LUZP2: variants seen among roughly 807,000 people sequenced by gnomAD.
LUZP2 encodes leucine zipper protein 2.
LUZP2 carries 52 observed loss-of-function variants against 51.6 expected under a neutral mutation model. The ratio of observed to expected loss-of-function variants is 1.01; its 90% confidence interval spans 0.81 to 1.27. LUZP2 has a LOEUF of 1.27. LUZP2 is among the 50% of genes most tolerant of loss of function. The pLI is 0.00. For missense variants in LUZP2, 436 were observed against 395.4 expected, an observed-to-expected ratio of 1.10 and a Z score of -0.87; for synonymous variants, 154 against 137.3, an observed-to-expected ratio of 1.12 and a Z score of -0.85.
chr11:24,578,276 C>T (rs1182648193), intron 1 of LUZP2, among the ~76,000 whole-genome samples: 1 of 151,972 alleles, frequency 6.6e-6, no homozygotes, highest in Non-Finnish European at 1.5e-5. Flanking sequence ...GCAATAACTT[C>T]CTTTTACATC....
At chr11:24,596,247 T>G (rs1853441461) in intron 1 of LUZP2, among the ~76,000 whole-genome samples, 1 of 152,168 alleles carries the variant, frequency 6.6e-6, no homozygotes, top group Non-Finnish European at 1.5e-5. Context: ...TATCAAACAA[T>G]ACAGTACTTT....
chr11:24,943,519 G>T (rs2133852340), intron 7 of LUZP2, among the ~76,000 whole-genome samples: 1 of 152,146 alleles, frequency 6.6e-6, no homozygotes, highest in Middle Eastern at 3.4e-3. Context: ...TTTCCTGTAG[G>T]ACTATAAGCT....
At chr11:24,784,862 A>G (rs988243818) in intron 5 of LUZP2, among the ~76,000 whole-genome samples, 2 of 152,120 alleles carry the variant, frequency 1.3e-5, no homozygotes, top group African/African-American at 2.4e-5. Flanking sequence ...TGTATGATAT[A>G]CATTTATGCA....
chr11:24,693,311 A>G (rs552380203), intron 1 of LUZP2, among the ~76,000 whole-genome samples: 1 of 151,558 alleles, frequency 6.6e-6, no homozygotes, highest in African/African-American at 2.4e-5. Context: ...ATTTAACATA[A>G]TACATCACAG....
At chr11:24,910,973 C>T (rs555301042) in intron 6 of LUZP2, among the ~76,000 whole-genome samples, 8 of 152,260 alleles carry the variant, frequency 5.3e-5, no homozygotes, top group East Asian at 1.9e-4. Flanking sequence ...CAAGGCTATG[C>T]GAGTCCACCT....
At chr11:25,072,780 C>A (rs965440550) in intron 10 of LUZP2, among the ~76,000 whole-genome samples, 1 of 150,006 alleles carries the variant, frequency 6.7e-6, no homozygotes, top group Non-Finnish European at 1.5e-5. Context: ...CAGTGATTAC[C>A]ATTATAACCC....
At chr11:24,800,001 G>A (rs778949588) in intron 5 of LUZP2, among the ~76,000 whole-genome samples, 10 of 152,066 alleles carry the variant, frequency 6.6e-5, no homozygotes, top group Non-Finnish European at 1.5e-5. Context: ...CCTAAACATC[G>A]TTGGAAGTAA....
In LUZP2 at chr11:24,497,411, C is replaced by T; in HGVS notation, c.62+106C>T. 4.2e-6 allele frequency: 3 copies of T among 722,084 alleles called. No homozygotes were observed. In the South Asian group the frequency reaches 1.0e-4, roughly 24 times the overall value. The allele number at this position is 722,084 out of a possible 1,614,324, so 44.7% of individuals were successfully genotyped here. A position where few individuals can be genotyped will look rare whatever the true frequency, so the allele number is the denominator to read the frequency against. ...GCCAAGGCACTTCAGCTGTTTGCATCTCCCGCCTAAGCAAGAGGGACGCTG... is the reference window on the plus strand; with the variant it reads ...GCCAAGGCACTTCAGCTGTTTGCATTTCCCGCCTAAGCAAGAGGGACGCTG... On this transcript the variant is annotated intron_variant, in intron 1 of 11. Transcript: ENST00000336930.
At chr11:24,819,209 A>G (rs1850284101) in intron 5 of LUZP2, among the ~76,000 whole-genome samples, 2 of 152,066 alleles carry the variant, frequency 1.3e-5, no homozygotes, top group African/African-American at 4.8e-5. Flanking sequence ...GAAAATTGCA[A>G]GCTGTGGAGA....
intron 1 of LUZP2, among the ~76,000 whole-genome samples, chr11:24,563,331 A>G (rs921888897): frequency 6.6e-6 from 1 of 152,186 alleles, no homozygotes; most frequent in Non-Finnish European, 1.5e-5. Context: ...CTTATGTTTT[A>G]TGACATTGAG....
intron 9 of LUZP2, among the ~76,000 whole-genome samples, chr11:25,004,824 C>A (rs1856789848): frequency 6.6e-6 from 1 of 152,162 alleles, no homozygotes. Context: ...GGTATGCTAA[C>A]CAGTAGGGAC....
chr11:24,502,238 G>T (rs767603172), intron 1 of LUZP2, among the ~76,000 whole-genome samples: 4 of 140,434 alleles, frequency 2.8e-5, no homozygotes, highest in Admixed American at 6.9e-5. Context: ...AAAAAATATA[G>T]ATACAAATCA....
At chr11:24,525,189 C>G (rs2896704) in intron 1 of LUZP2, among the ~76,000 whole-genome samples, 6,718 of 151,618 alleles carry the variant, frequency 0.044, 176 homozygotes, top group Middle Eastern at 0.11. Flanking sequence ...GTCTGAAACA[C>G]TCATTTTCCA....
intron 7 of LUZP2, among the ~76,000 whole-genome samples, chr11:24,958,275 G>A (rs1175613810): frequency 3.3e-5 from 5 of 152,158 alleles, no homozygotes; most frequent in Non-Finnish European, 7.3e-5. Context: ...CCCAGTAATG[G>A]GATGGCTGGG....
rs150765718 is a variant in LUZP2, at chr11:24,724,868, G to A, written c.63-4301G>A. 2.6e-3 allele frequency among the ~76,000 whole-genome samples: 397 copies of A among 152,226 alleles called. 3 individuals carry two copies. Among genetic ancestry groups the A allele is most frequent in the African/African-American group, 9.2e-3 (383 of 41,556 alleles). The stretch of plus-strand genomic sequence containing the variant: ...CAGACAGTAACTTTAAAGATGACTA[G>A]CAATATCTATTTAGACAATTAAATG... On this transcript the variant is annotated intron_variant, in intron 1 of 11. Coordinates refer to ENST00000336930, the MANE Select transcript of LUZP2 (RefSeq NM_001009909.4).
intron 7 of LUZP2, among the ~76,000 whole-genome samples, chr11:24,961,670 T>G (rs11500139): frequency 2.0e-5 from 3 of 152,128 alleles, no homozygotes; most frequent in Non-Finnish European, 4.4e-5. Context: ...TTCCTGATTA[T>G]AGCTCATTGA....
intron 10 of LUZP2, among the ~76,000 whole-genome samples, chr11:25,068,950 C>A (rs1307208310): frequency 6.6e-6 from 1 of 151,918 alleles, no homozygotes; most frequent in African/African-American, 2.4e-5. Flanking sequence ...CTCAGTTCAT[C>A]CTTCATGAAG....
intron 5 of LUZP2, among the ~76,000 whole-genome samples, chr11:24,842,044 A>G (rs1286476872): frequency 6.6e-6 from 1 of 151,888 alleles, no homozygotes; most frequent in Non-Finnish European, 1.5e-5. Flanking sequence ...TTTAAAATAG[A>G]AATATATAAA....
At chr11:24,766,228 T>C (rs1590479769) in intron 5 of LUZP2, among the ~76,000 whole-genome samples, 1 of 152,192 alleles carries the variant, frequency 6.6e-6, no homozygotes. Flanking sequence ...TTTCTCTTTA[T>C]ATTTTTTTTT....
Sources: allele counts gnomAD v4.1 joint callset (sites outside exome capture counted in the v4.1 genomes callset), GRCh38; gene constraint gnomAD v4.1.1; transcripts MANE v1.5; gene names NCBI Gene and HGNC (gene_info 2026-07-23, HGNC 2026-07-21).